The following CDH13 variants were observed in gnomAD, a reference collection of about 807,000 sequenced individuals.
The protein encoded by CDH13 is cadherin 13.
A neutral mutation model predicts 63.8 loss-of-function variants in CDH13; 24 were observed. The ratio of observed to expected loss-of-function variants is 0.38; its 90% CI spans 0.27 to 0.53. The LOEUF is 0.53. Ranked by LOEUF, CDH13 falls within the 20% of genes least tolerant of loss-of-function variation. CDH13 has a pLI of 0.85. For missense variants in CDH13, 1,049 were observed against 903.1 expected (o/e 1.16, Z -2.07); for synonymous variants, 503 against 355.3 (o/e 1.42, Z -4.67).
intron 2 of CDH13, among the ~76,000 whole-genome samples, chr16:82,945,358 C>G (rs1055348720): frequency 3.3e-5 from 5 of 152,094 alleles, no homozygotes; most frequent in African/African-American, 7.2e-5. Flanking sequence ...CATAGTTGGT[C>G]AAGCCTCAGT....
intron 8 of CDH13, among the ~76,000 whole-genome samples, chr16:83,616,188 G>A (rs555290774): frequency 1.8e-4 from 27 of 152,280 alleles, no homozygotes; most frequent in Admixed American, 3.9e-4. Context: ...GCTGTCTTGC[G>A]TTGTTGGAAA....
At chr16:83,425,773 C>G (rs1383408273) in intron 6 of CDH13, among the ~76,000 whole-genome samples, 1 of 151,814 alleles carries the variant, frequency 6.6e-6, no homozygotes, top group Non-Finnish European at 1.5e-5. Flanking sequence ...TTCTTTCTTC[C>G]TTTGTCTCTT....
chr16:82,664,404 G>T (rs747566127), intron 1 of CDH13, among the ~76,000 whole-genome samples: 6 of 152,210 alleles, frequency 3.9e-5, no homozygotes, highest in Non-Finnish European at 7.3e-5. Context: ...CGAGGGTTGG[G>T]TGCAGCTTGG....
At chr16:83,171,474 A>T (rs1344081457) in intron 4 of CDH13, 3 of 1,434,474 alleles carry the variant, frequency 2.1e-6, no homozygotes, top group Non-Finnish European at 2.8e-6. Context: ...TAATTAGGTT[A>T]CTCATTCTAT....
chr16:82,809,660 A>G (rs533464973), intron 1 of CDH13, among the ~76,000 whole-genome samples: 1 of 152,248 alleles, frequency 6.6e-6, no homozygotes, highest in African/African-American at 2.4e-5. Context: ...AAGCAACATA[A>G]AGGTATTAAA....
At chr16:82,886,474 A>G (rs866364680) in intron 2 of CDH13, among the ~76,000 whole-genome samples, 14 of 152,190 alleles carry the variant, frequency 9.2e-5, no homozygotes, top group Middle Eastern at 6.8e-3. Flanking sequence ...TTTTTATTTG[A>G]TCACCAGCAA....
chr16:83,590,831 C>T (rs979645747), intron 7 of CDH13, among the ~76,000 whole-genome samples: 2 of 151,880 alleles, frequency 1.3e-5, no homozygotes, highest in Non-Finnish European at 1.5e-5. Flanking sequence ...TTGGCCCTGC[C>T]CTGAACCTTC....
At chr16:82,734,517 G>A (rs1020064627) in intron 1 of CDH13, among the ~76,000 whole-genome samples, 3 of 152,130 alleles carry the variant, frequency 2.0e-5, no homozygotes, top group African/African-American at 4.8e-5. Flanking sequence ...GGGGAGAGAG[G>A]GAGGATTCTG....
chr16:82,923,181 C>A (rs1272004611), intron 2 of CDH13, among the ~76,000 whole-genome samples: 2 of 152,100 alleles, frequency 1.3e-5, no homozygotes, highest in African/African-American at 2.4e-5. Context: ...CTGTGAAATG[C>A]AATAAAGGGA....
intron 13 of CDH13, among the ~76,000 whole-genome samples, chr16:83,788,155 A>G (rs1916012135): frequency 6.6e-6 from 1 of 152,160 alleles, no homozygotes; most frequent in African/African-American, 2.4e-5. Context: ...GCCCTCTGTA[A>G]ATCCAATTTC....
In CDH13 at chr16:83,430,622, A is replaced by G. The variant is rs867147475; in HGVS notation, c.782-55855A>G. 7.9e-5 allele frequency among the ~76,000 whole-genome samples: 12 copies of G among 152,286 alleles called. No individual in the cohort carries two copies. The Middle Eastern group carries it at 0.01, about 129-fold the overall frequency. On this transcript the variant is annotated intron_variant, in intron 6 of 13. Transcript: ENST00000567109. ...TCTGCTTGAGCATTTTCAGTGGTAA[A>G]GAATTTACACTCTCATGAAAGAGAT...
chr16:83,013,807 C>G (rs998896166), intron 2 of CDH13, among the ~76,000 whole-genome samples: 1 of 152,122 alleles, frequency 6.6e-6, no homozygotes, highest in Admixed American at 6.6e-5. Flanking sequence ...GGCCCGGTCT[C>G]TGCAAGAATG....
chr16:83,239,446 G>A (rs947318861), intron 5 of CDH13, among the ~76,000 whole-genome samples: 1 of 152,160 alleles, frequency 6.6e-6, no homozygotes, highest in Non-Finnish European at 1.5e-5. Flanking sequence ...TCACATGACT[G>A]TCTTTAACAC....
At chr16:83,245,242 G>T (rs954420641) in intron 5 of CDH13, among the ~76,000 whole-genome samples, 3 of 152,090 alleles carry the variant, frequency 2.0e-5, no homozygotes, top group African/African-American at 7.2e-5. Context: ...ACCCCCCACT[G>T]TACATCTTAG....
intron 2 of CDH13, among the ~76,000 whole-genome samples, chr16:82,991,030 G>A (rs1168450471): frequency 2.6e-5 from 4 of 152,146 alleles, no homozygotes; most frequent in African/African-American, 9.7e-5. Flanking sequence ...ACCAGAGATA[G>A]GGCATGAGGA....
intron 6 of CDH13, among the ~76,000 whole-genome samples, chr16:83,349,284 G>A (rs542230061): frequency 6.6e-5 from 10 of 152,198 alleles, no homozygotes; most frequent in Non-Finnish European, 1.5e-4. Flanking sequence ...TTTTCTGATG[G>A]CCAAGACATG....
intron 11 of CDH13, 58 bp downstream of exon 11, chr16:83,748,308 C>G (rs955742081): frequency 2.0e-6 from 3 of 1,492,576 alleles, no homozygotes; most frequent in Admixed American, 2.0e-5. Context: ...TATACTTTTA[C>G]ATTTTTAAAT....
At chr16:83,336,797 T>A (rs1228689984) in intron 5 of CDH13, among the ~76,000 whole-genome samples, 1 of 152,252 alleles carries the variant, frequency 6.6e-6, no homozygotes, top group African/African-American at 2.4e-5. Flanking sequence ...GCTTTGTTTC[T>A]GATTCTGTTG....
At chr16:83,528,730 T>C (rs1323652369) in intron 7 of CDH13, among the ~76,000 whole-genome samples, 1 of 152,224 alleles carries the variant, frequency 6.6e-6, no homozygotes, top group Non-Finnish European at 1.5e-5. Flanking sequence ...CACTAAGCAC[T>C]GAAAAAGAGT....
Sources: gnomAD v4.1 joint callset for allele counts (sites outside exome capture counted in the v4.1 genomes callset) on GRCh38, gnomAD v4.1.1 for gene constraint, MANE v1.5 for transcripts, NCBI Gene and HGNC (gene_info 2026-07-23, HGNC 2026-07-21) for gene names.